The following FLAD1 variants were observed in gnomAD, a reference collection of about 807,000 sequenced individuals.
FLAD1 encodes the protein flavin adenine dinucleotide synthetase 1, also known as bifunctional FAD diphosphatase/FAD synthase.
A neutral mutation model predicts 55.0 loss-of-function variants in FLAD1; 35 were observed. That is an observed-to-expected ratio of 0.64 (90% CI 0.49 to 0.84). FLAD1 has a LOEUF of 0.84. Ranked by LOEUF, FLAD1 falls within the 40% of genes least tolerant of loss-of-function variation. The pLI, the probability that FLAD1 is intolerant of heterozygous loss-of-function variation, is 0.00. For synonymous variants in FLAD1, 267 were observed against 303.0 expected, an observed-to-expected ratio of 0.88 and a Z score of 1.23; for missense variants, 665 against 742.6, an observed-to-expected ratio of 0.90 and a Z score of 1.21.
At chr1:154,986,188 G>A (rs1024151490) in intron 1 of FLAD1, among the ~76,000 whole-genome samples, 5 of 152,068 alleles carry the variant, frequency 3.3e-5, no homozygotes, top group Non-Finnish European at 5.9e-5. Context: ...ACAGGCACCC[G>A]CCACCACGCC....
Position 154,990,250 on chromosome 1 carries a change from A to G in FLAD1, c.1357A>G (p.Ile453Val), listed in dbSNP as rs761846561. The change falls in exon 4 of 7, where the codon ATC (isoleucine) becomes GTC (valine). Residue 453 changes from isoleucine to valine, a missense_variant. Coordinates refer to ENST00000292180, the MANE Select transcript of FLAD1 (RefSeq NM_025207.5). The stretch of plus-strand genomic sequence containing the variant: ...GCTGGAACAGTTTCTACAGGACACT[A>G]TCAAGAGGTACTAGGGGCCTGGAGG... ...PELEQFLQDT[I>V]KRYNLQMLEA... The G allele has an allele frequency of 3.7e-6, 6 of 1,613,862 alleles. No individual in the cohort carries two copies. Among genetic ancestry groups the G allele is most frequent in the Non-Finnish European group, 5.1e-6 (6 of 1,179,880 alleles).
chr1:154,985,037 T>C (rs1208197709), intron 1 of FLAD1, among the ~76,000 whole-genome samples: 90 of 123,194 alleles, frequency 7.3e-4, no homozygotes, highest in Non-Finnish European at 9.2e-4. Context: ...GCTAATTTTT[T>C]TTTTTTTTTT....
At position 154,993,109 on chromosome 1, in the gene FLAD1, G is replaced by A; in HGVS notation, c.*72G>A. On this transcript the variant is annotated 3_prime_UTR_variant, in exon 7 of 7. Coordinates refer to ENST00000292180, the MANE Select transcript of FLAD1 (RefSeq NM_025207.5). ...CTGGCAATAAACCGTGCCTCTCACT[G>A]TGCCTGTTGCTCTAGCTGTGTCTTC... The A allele has an allele frequency of 1.4e-6, 2 of 1,434,388 alleles. No individual in the cohort carries two copies. Among genetic ancestry groups the A allele is most frequent in the South Asian group, 1.2e-5 (1 of 86,024 alleles). The allele number at this position is 1,434,388 out of a possible 1,614,324, so 88.9% of individuals were successfully genotyped here.
intron 1 of FLAD1, chr1:154,987,843 T>G (rs1657687281): frequency 2.1e-6 from 2 of 946,744 alleles, no homozygotes; most frequent in Admixed American, 6.6e-5. Context: ...AAGGCTGGGG[T>G]GGCCCTTGAA....
Position 154,988,687 on chromosome 1 carries a change from AACT to A in FLAD1, c.960_962del (p.Tyr321del), listed in dbSNP as rs1657731463. 2 of 1,614,204 alleles carry A rather than the reference AACT, an allele frequency of 1.2e-6. No individual in the cohort carries two copies. Among genetic ancestry groups the A allele is most frequent in the Non-Finnish European group, 1.7e-6 (2 of 1,180,032 alleles). ...GGGTTCCTACCCTGACTGGGGCAGC[AACT>A]ACTATCAGGTGAAGCTGACTCTAGA... On this transcript the variant is annotated inframe_deletion, in exon 2 of 7. Transcript: ENST00000292180.
rs138843652 is a variant in FLAD1, at chr1:154,988,377, A to C, written c.645A>C (p.Glu215Asp). ...LEAATKALGG[E>D]GWEKLSLVPS... The stretch of plus-strand genomic sequence containing the variant: ...CAGCCACCAAAGCCCTAGGAGGGGA[A>C]GGCTGGGAGAAGCTATCATTGGTGC... The change falls in exon 2 of 7, where the codon GAA becomes GAC. Residue 215 changes from glutamate (E) to aspartate (D), a missense_variant. Coordinates refer to ENST00000292180, the MANE Select transcript of FLAD1 (RefSeq NM_025207.5). 6 of 1,614,236 alleles carry C rather than the reference A, an allele frequency of 3.7e-6. No individual in the cohort carries two copies. The East Asian group carries it at 1.3e-4, about 36-fold the overall frequency.
At chr1:154,985,716 ATTTTTTTTTTTT>A (rs34387427) in intron 1 of FLAD1, among the ~76,000 whole-genome samples, 4 of 75,490 alleles carry the variant, frequency 5.3e-5, no homozygotes, top group African/African-American at 1.6e-4. Context: ...CCTGACCCCA[ATTTTTTTTTTTT>A]TTTTTTTTTT....
At position 154,990,159 on chromosome 1, in the gene FLAD1, G is replaced by GA; in HGVS notation, c.1269dup (p.Leu424IlefsTer3). On this transcript the variant is annotated frameshift_variant and splice_region_variant, in exon 4 of 7. Coordinates refer to ENST00000292180, the MANE Select transcript of FLAD1 (RefSeq NM_025207.5). LOFTEE classifies it high-confidence loss of function. Reference sequence around the variant, plus strand: ...CCTGTGGATTCTTCCCCCTCTGCAGGAAATTACCTGATGTTCCAAACCCCC... The same window carrying GA: ...CCTGTGGATTCTTCCCCCTCTGCAGGAAAATTACCTGATGTTCCAAACCCCC... The GA allele has an allele frequency of 6.2e-7, 1 of 1,612,924 alleles. No homozygotes were observed. The highest frequency in any genetic ancestry group is 8.5e-7 in the Non-Finnish European group (1 of 1,179,016).
rs757672315 is a variant in FLAD1, at chr1:154,988,592, C to A, written c.860C>A (p.Ala287Asp). 9 of 1,614,108 alleles carry A rather than the reference C, an allele frequency of 5.6e-6. No homozygotes were observed. The South Asian group carries it at 9.9e-5, about 18-fold the overall frequency. Residue 287 changes from alanine (A) to aspartate (D), a missense_variant, in exon 2 of 7, where the codon GCT (alanine) becomes GAT (aspartate). Coordinates refer to ENST00000292180, the MANE Select transcript of FLAD1 (RefSeq NM_025207.5). ...VQFHSKELYV[A>D]ADEASIAPIL... The stretch of plus-strand genomic sequence containing the variant: ...TTCCACTCAAAGGAGCTATATGTGG[C>A]TGCTGATGAAGCCTCCATCGCCCCC...
intron 5 of FLAD1, among the ~76,000 whole-genome samples, chr1:154,992,115 C>T (rs1425665177): frequency 1.4e-4 from 20 of 138,360 alleles, no homozygotes; most frequent in Non-Finnish European, 2.6e-4. Flanking sequence ...TGCACTCCAG[C>T]CTGGGTGACA....
At chr1:154,989,743 G>C in intron 3 of FLAD1, 36 bp downstream of exon 3, 2 of 1,481,938 alleles carry the variant, frequency 1.3e-6, no homozygotes, top group Non-Finnish European at 1.8e-6. Context: ...CCCCTGATCT[G>C]TTTCTCCAGT....
chr1:154,985,367 T>C (rs1466637037), intron 1 of FLAD1, among the ~76,000 whole-genome samples: 2 of 151,524 alleles, frequency 1.3e-5, no homozygotes, highest in African/African-American at 4.9e-5. Context: ...TAGTTGGGAT[T>C]ACAGGCATGA....
chr1:154,987,083 A>G (rs1480474512), intron 1 of FLAD1, among the ~76,000 whole-genome samples: 1 of 150,346 alleles, frequency 6.7e-6, no homozygotes, highest in Non-Finnish European at 1.5e-5. Flanking sequence ...GCTGGAGTAC[A>G]GTGGCATGAT....
At chr1:154,987,954 T>G (rs776850920) in intron 1 of FLAD1, 151 bp from the exon 2 acceptor site, 1 of 1,514,648 alleles carries the variant, frequency 6.6e-7, no homozygotes, top group Non-Finnish European at 8.8e-7. Context: ...ATTTTCCCAC[T>G]CTTGTGTCCA....
Position 154,988,709 on chromosome 1 carries a change from C to G in FLAD1, c.977C>G (p.Thr326Ser). The stretch of plus-strand genomic sequence containing the variant: ...AGCAACTACTATCAGGTGAAGCTGA[C>G]TCTAGACTCAGAGGAAGAAGGACCC... ...WGSNYYQVKLTLDSEEEGPLE... is the reference protein window; with the variant it reads ...WGSNYYQVKLSLDSEEEGPLE... The change falls in exon 2 of 7, where the codon ACT becomes AGT. Residue 326 changes from threonine (T) to serine (S), a missense_variant. Physicochemically the swap from Thr to Ser is moderately conservative, Grantham distance 58 (BLOSUM62 1). Coordinates refer to ENST00000292180, the MANE Select transcript of FLAD1 (RefSeq NM_025207.5). The G allele has an allele frequency of 6.2e-7, 1 of 1,614,208 alleles. No homozygotes were observed. Among genetic ancestry groups the G allele is most frequent in the Non-Finnish European group, 8.5e-7 (1 of 1,180,040 alleles).
In FLAD1 at chr1:154,992,801, G is replaced by A. The variant is rs749144014; in HGVS notation, c.1628+15G>A. 2.5e-6 allele frequency: 4 copies of A among 1,614,160 alleles called. No homozygotes were observed. The South Asian group carries it at 4.4e-5, about 18-fold the overall frequency. ...TATGACCGAGGGTAAGGGTATTAGG[G>A]GAAGGGAATGGGTAAGGGAGTTTTT... On this transcript the variant is annotated intron_variant, in intron 6 of 6. Coordinates refer to ENST00000292180, the MANE Select transcript of FLAD1 (RefSeq NM_025207.5).
intron 1 of FLAD1, 49 bp from the exon 2 acceptor site, chr1:154,988,056 C>T (rs370022149): frequency 3.7e-6 from 6 of 1,613,678 alleles, no homozygotes; most frequent in Non-Finnish European, 5.1e-6. Flanking sequence ...CAACCCCTCC[C>T]CTTCATCCCT....
rs1166482375 is a variant in FLAD1 at position 154,990,462 on chromosome 1, T to C, written c.1488T>C (p.Cys496=). 2.5e-6 allele frequency: 4 copies of C among 1,614,020 alleles called. No individual in the cohort carries two copies. The Admixed American group carries it at 6.7e-5, about 27-fold the overall frequency. ...CCCGCCGGACTGACCCCTACTCCTG[T>C]AGCCTCTGCCCTTTCAGCCCCACTG... ...MGTRRTDPYS[C]SLCPFSPTDP... The change falls in exon 5 of 7, where the codon TGT becomes TGC. Residue 496 remains cysteine (C), a synonymous_variant. Transcript: ENST00000292180.
In FLAD1 at chr1:154,988,762, GC is replaced by G. The variant is rs777272225; in HGVS notation, c.1033del (p.Arg345ValfsTer123). 1.2e-6 allele frequency: 2 copies of G among 1,614,162 alleles called. No homozygotes were observed. The highest frequency in any genetic ancestry group is 1.7e-6 in the Non-Finnish European group (2 of 1,180,040). ...GGAGGAATGCTTGGCCTACCTGACT[GC>G]CCGTTTGCCCCAGGGATCGCTGGTC... ...PLEECLAYLT[A>X]RLPQGSLVPY... On this transcript the variant is annotated frameshift_variant, in exon 2 of 7. Transcript: ENST00000292180. LOFTEE classifies it high-confidence loss of function.
Sources: allele counts gnomAD v4.1 joint callset (sites outside exome capture counted in the v4.1 genomes callset), GRCh38; gene constraint gnomAD v4.1.1; transcripts MANE v1.5; gene names NCBI Gene and HGNC (gene_info 2026-07-23, HGNC 2026-07-21).